The following SCNM1 variants were observed in gnomAD, a reference collection of about 807,000 sequenced individuals.
SCNM1 encodes sodium channel modifier 1.
SCNM1 carries 24 observed loss-of-function variants against 32.8 expected under a neutral mutation model. That is an observed-to-expected ratio of 0.73 (90% CI 0.53 to 1.03). The LOEUF (loss-of-function observed/expected upper bound fraction) is 1.03. SCNM1 is among the 50% of genes least tolerant of loss of function. The pLI is 0.00. For missense variants in SCNM1, 274 were observed against 282.3 expected (o/e 0.97, Z 0.21); for synonymous variants, 99 against 103.2 (o/e 0.96, Z 0.25).
chr1:151,169,275 C>T lies in SCNM1; in HGVS notation c.*190C>T, dbSNP rs1013124574. 8 of 540,258 alleles carry T rather than the reference C, an allele frequency of 1.5e-5. No individual in the cohort carries two copies. Among genetic ancestry groups the T allele is most frequent in the African/African-American group, 1.2e-4 (6 of 48,690 alleles). The allele number at this position is 540,258 out of a possible 1,614,324, so 33.5% of individuals were successfully genotyped here. The stretch of plus-strand genomic sequence containing the variant: ...TTTTTTTTTTTTTGAGGCAGAGTCT[C>T]GCTCTATCGCCCAGGCTGGAGTGCA... On this transcript the variant is annotated 3_prime_UTR_variant, in exon 7 of 7. Transcript: ENST00000368905.
Position 151,169,144 on chromosome 1 carries a change from C to T in SCNM1, c.*59C>T. The T allele has an allele frequency of 6.3e-7, 1 of 1,591,614 alleles. No homozygotes were observed. The highest frequency in any genetic ancestry group is 8.6e-7 in the Non-Finnish European group (1 of 1,161,194). ...AATGGGTGCTGAGAACTTAACTTTC[C>T]TTAAGTCTGGTTCCTTGTTGGATCT... On this transcript the variant is annotated 3_prime_UTR_variant, in exon 7 of 7. Coordinates refer to ENST00000368905, the MANE Select transcript of SCNM1 (RefSeq NM_024041.4).
chr1:151,167,853 AAAAG>A lies in SCNM1; in HGVS notation c.399-287_399-284del, dbSNP rs1011796816. ...TCTCAAAAAAAAAAGAAAAGAAAGA[AAAAG>A]AAAAGGAGAATTTTGTGATTTTTAA... On this transcript the variant is annotated intron_variant, in intron 5 of 6. Transcript: ENST00000368905. The A allele has an allele frequency of 4.1e-4, 136 of 333,924 alleles. 1 individual carries two copies. Among genetic ancestry groups the A allele is most frequent in the Non-Finnish European group, 7.0e-5 (13 of 185,278 alleles). The allele number at this position is 333,924 out of a possible 1,614,324, so 20.7% of individuals were successfully genotyped here.
In SCNM1 at chr1:151,167,382, C is replaced by T; in HGVS notation, c.366C>T (p.Pro122=). 1 of 1,614,140 alleles carries T rather than the reference C, an allele frequency of 6.2e-7. No individual in the cohort carries two copies. The highest frequency in any genetic ancestry group is 1.6e-4 in the Middle Eastern group (1 of 6,062). The part of the protein sequence containing the change: ...LITQSALHRA[P]HYNSCCRRKY... ...CCCAGAGTGCTCTGCACAGAGCTCC[C>T]CACTATAACAGTTGCTGCCGCCGGA... The change falls in exon 5 of 7, where the codon CCC becomes CCT. Residue 122 remains proline, a synonymous_variant. Coordinates refer to ENST00000368905, the MANE Select transcript of SCNM1 (RefSeq NM_024041.4).
chr1:151,170,056 C>T lies in SCNM1; in HGVS notation c.*971C>T. ...ATTTAAGTGTCCAGTGCTCCCAGCG[C>T]TAGTTGGTAAAGGGAAATGCAGTGT... On this transcript the variant is annotated 3_prime_UTR_variant, in exon 7 of 7. Coordinates refer to ENST00000368905, the MANE Select transcript of SCNM1 (RefSeq NM_024041.4). The T allele has an allele frequency of 6.2e-7, 1 of 1,613,986 alleles. No individual in the cohort carries two copies. The highest frequency in any genetic ancestry group is 8.5e-7 in the Non-Finnish European group (1 of 1,179,880).
At chr1:151,166,763 G>A in intron 2 of SCNM1, 171 bp from the exon 3 acceptor site, 1 of 1,236,116 alleles carries the variant, frequency 8.1e-7, no homozygotes, top group Non-Finnish European at 1.1e-6. Context: ...AATTAGGACA[G>A]CAGGAGTACC....
rs761266727 is a variant in SCNM1 at position 151,167,393 on chromosome 1, G to C, written c.377G>C (p.Ser126Thr). 1 of 1,614,048 alleles carries C rather than the reference G, an allele frequency of 6.2e-7. No individual in the cohort carries two copies. The highest frequency in any genetic ancestry group is 1.7e-5 in the Admixed American group (1 of 59,992). The stretch of plus-strand genomic sequence containing the variant: ...CTGCACAGAGCTCCCCACTATAACA[G>C]TTGCTGCCGCCGGAAGTACAGGTAT... ...SALHRAPHYN[S>T]CCRRKYRPEA... Residue 126 changes from serine (S) to threonine (T), a missense_variant, in exon 5 of 7, where the codon AGT becomes ACT. By Grantham distance (58) the Ser-to-Thr change is moderately conservative. Transcript: ENST00000368905.
rs761266727 is a variant in SCNM1, at chr1:151,167,393, G to T, written c.377G>T (p.Ser126Ile). Residue 126 changes from serine to isoleucine, a missense_variant, in exon 5 of 7, where the codon AGT (serine) becomes ATT (isoleucine). Coordinates refer to ENST00000368905, the MANE Select transcript of SCNM1 (RefSeq NM_024041.4). ...CTGCACAGAGCTCCCCACTATAACA[G>T]TTGCTGCCGCCGGAAGTACAGGTAT... ...SALHRAPHYN[S>I]CCRRKYRPEA... is the part of the protein sequence containing the mutation. The T allele has an allele frequency of 6.2e-7, 1 of 1,614,048 alleles. No homozygotes were observed. The highest frequency in any genetic ancestry group is 8.5e-7 in the Non-Finnish European group (1 of 1,180,052).
chr1:151,168,632 T>C (rs1683826896), intron 6 of SCNM1, among the ~76,000 whole-genome samples: 1 of 152,078 alleles, frequency 6.6e-6, no homozygotes, highest in Non-Finnish European at 1.5e-5. Flanking sequence ...GGCCTCGAAC[T>C]CCTGACCTCA....
chr1:151,170,044 G>A lies in SCNM1; in HGVS notation c.*959G>A. The A allele has an allele frequency of 1.2e-6, 2 of 1,613,316 alleles. No homozygotes were observed. The highest frequency in any genetic ancestry group is 2.2e-5 in the South Asian group (2 of 91,062). ...GGACAGATGAGGATTTAAGTGTCCA[G>A]TGCTCCCAGCGCTAGTTGGTAAAGG... is the stretch of plus-strand genomic sequence containing the variant. On this transcript the variant is annotated 3_prime_UTR_variant, in exon 7 of 7. Coordinates refer to ENST00000368905, the MANE Select transcript of SCNM1 (RefSeq NM_024041.4).
Position 151,170,291 on chromosome 1 carries a change from A to G in SCNM1, c.*1206A>G. The G allele has an allele frequency of 2.4e-6, 2 of 846,660 alleles. No individual in the cohort carries two copies. Among genetic ancestry groups the G allele is most frequent in the Admixed American group, 5.4e-5 (2 of 37,190 alleles). 52.4% of individuals were successfully genotyped at this position (846,660 alleles called of 1,614,324 possible). On this transcript the variant is annotated 3_prime_UTR_variant, in exon 7 of 7. Coordinates refer to ENST00000368905, the MANE Select transcript of SCNM1 (RefSeq NM_024041.4). ...CCACAAATAAAATTACGATACCTCT[A>G]AACAAGTATGATTATCTCTGGCATC...
intron 4 of SCNM1, 38 bp downstream of exon 4, chr1:151,167,256 C>T (rs932174648): frequency 1.9e-6 from 3 of 1,614,110 alleles, no homozygotes; most frequent in Admixed American, 3.3e-5. Flanking sequence ...AGGCAAGACC[C>T]TGCTGCACAC....
At position 151,169,928 on chromosome 1, in the gene SCNM1, C is replaced by A; in HGVS notation, c.*843C>A. On this transcript the variant is annotated 3_prime_UTR_variant, in exon 7 of 7. Transcript: ENST00000368905. ...TAATCCCCTGGTGAACTGGCAGTAA[C>A]CCTTGGGGGTTAGCGCCAAGATTCT... 1.2e-6 allele frequency: 1 copy of A among 823,358 alleles called. No individual in the cohort carries two copies. The highest frequency in any genetic ancestry group is 1.6e-5 in the South Asian group (1 of 63,686). The allele number at this position is 823,358 out of a possible 1,614,324, so 51.0% of individuals were successfully genotyped here. A position where few individuals can be genotyped will look rare whatever the true frequency, so the allele number is the denominator to read the frequency against.
Position 151,170,224 on chromosome 1 carries a change from A to G in SCNM1, c.*1139A>G. 1.8e-6 allele frequency: 2 copies of G among 1,133,680 alleles called. No individual in the cohort carries two copies. Among genetic ancestry groups the G allele is most frequent in the Non-Finnish European group, 2.6e-6 (2 of 767,834 alleles). 70.2% of individuals were successfully genotyped at this position (1,133,680 alleles called of 1,614,324 possible). A position where few individuals can be genotyped will look rare whatever the true frequency, so the allele number is the denominator to read the frequency against. ...AATTGGTAGTGTCTTAGGCCACCTTACAGGCCCATCCCACATTAACAAAAC... is the reference window on the plus strand; with the variant it reads ...AATTGGTAGTGTCTTAGGCCACCTTGCAGGCCCATCCCACATTAACAAAAC... On this transcript the variant is annotated 3_prime_UTR_variant, in exon 7 of 7. Transcript: ENST00000368905.
chr1:151,166,902 G>A, intron 2 of SCNM1, 32 bp from the exon 3 acceptor site: 2 of 1,613,106 alleles, frequency 1.2e-6, no homozygotes, highest in East Asian at 4.5e-5. Flanking sequence ...TCTTCCCCTG[G>A]ACCACTTATC....
chr1:151,169,240 C>CTTTTTTTTT lies in SCNM1; in HGVS notation c.*169_*177dup. On this transcript the variant is annotated 3_prime_UTR_variant, in exon 7 of 7. Coordinates refer to ENST00000368905, the MANE Select transcript of SCNM1 (RefSeq NM_024041.4). ...GCAAGGTACACAGCTCTCCACACTC[C>CTTTTTTTTT]TTTTTTTTTTTTTTTTTTTTTTGAG... The CTTTTTTTTT allele has an allele frequency of 3.5e-6, 1 of 282,370 alleles. No homozygotes were observed. The highest frequency in any genetic ancestry group is 6.3e-6 in the Non-Finnish European group (1 of 159,150). The allele number at this position is 282,370 out of a possible 1,614,324, so 17.5% of individuals were successfully genotyped here.
At chr1:151,166,245 C>T (rs1487677525) in intron 1 of SCNM1, 42 bp downstream of exon 1, 8 of 1,568,852 alleles carry the variant, frequency 5.1e-6, no homozygotes, top group Admixed American at 1.9e-5. Flanking sequence ...TTCAGTCGCT[C>T]CCTGAAGGTT....
Position 151,169,890 on chromosome 1 carries a change from C to A in SCNM1, c.*805C>A. The A allele has an allele frequency of 3.2e-6, 2 of 624,894 alleles. No homozygotes were observed. Among genetic ancestry groups the A allele is most frequent in the South Asian group, 3.8e-5 (2 of 51,988 alleles). The allele number at this position is 624,894 out of a possible 1,614,324, so 38.7% of individuals were successfully genotyped here. A position where few individuals can be genotyped will look rare whatever the true frequency, so the allele number is the denominator to read the frequency against. On this transcript the variant is annotated 3_prime_UTR_variant, in exon 7 of 7. Coordinates refer to ENST00000368905, the MANE Select transcript of SCNM1 (RefSeq NM_024041.4). ...ACCTGAACCTCCCTGCCTGCTGATC[C>A]CCAGAGTATAAATAATCCCCTGGTG... is the stretch of plus-strand genomic sequence containing the variant.
chr1:151,166,296 G>A (rs892856303), intron 1 of SCNM1, 93 bp downstream of exon 1: 1 of 1,544,508 alleles, frequency 6.5e-7, no homozygotes, highest in African/African-American at 1.4e-5. Flanking sequence ...ACAACTCGGG[G>A]GTGCAGGAGA....
intron 6 of SCNM1, among the ~76,000 whole-genome samples, chr1:151,168,568 C>T (rs1683823156): frequency 6.7e-6 from 1 of 148,244 alleles, no homozygotes; most frequent in East Asian, 2.1e-4. Context: ...GCCATCACGC[C>T]CGGCTAATTT....
Sources: allele counts gnomAD v4.1 joint callset (sites outside exome capture counted in the v4.1 genomes callset), GRCh38; gene constraint gnomAD v4.1.1; transcripts MANE v1.5; gene names NCBI Gene and HGNC (gene_info 2026-07-23, HGNC 2026-07-21).